Variants in FAM78B observed in about 807,000 individuals in gnomAD.
FAM78B encodes the protein protein FAM78B.
A neutral mutation model predicts 20.0 loss-of-function variants in FAM78B; 10 were observed. The observed-to-expected ratio is 0.50, with a 90% CI of 0.31 to 0.85. The LOEUF (loss-of-function observed/expected upper bound fraction) is 0.85. Among genes scored for constraint, FAM78B ranks in the 40% least tolerant of loss-of-function variants. The pLI, the probability that FAM78B is intolerant of heterozygous loss-of-function variation, is 0.05. For synonymous variants in FAM78B, 135 were observed against 132.8 expected, an observed-to-expected ratio of 1.02 and a Z score of -0.12; for missense variants, 283 against 345.0, an observed-to-expected ratio of 0.82 and a Z score of 1.42.
At chr1:166,127,364 G>A (rs547712619) in intron 1 of FAM78B, among the ~76,000 whole-genome samples, 2 of 152,318 alleles carry the variant, frequency 1.3e-5, no homozygotes, top group African/African-American at 4.8e-5. Context: ...TTGGAATTAA[G>A]TCTTTCTCCA....
chr1:166,115,419 CAG>C (rs1654217200), intron 1 of FAM78B, among the ~76,000 whole-genome samples: 1 of 152,122 alleles, frequency 6.6e-6, no homozygotes, highest in Admixed American at 6.5e-5. Context: ...CTGGGGTGAC[CAG>C]AGAGTGCTTT....
intron 1 of FAM78B, among the ~76,000 whole-genome samples, chr1:166,104,627 G>C (rs1004014148): frequency 3.3e-5 from 5 of 152,064 alleles, no homozygotes; most frequent in Non-Finnish European, 5.9e-5. Context: ...GAATCAAATA[G>C]CTAGGAATCC....
chr1:166,099,793 T>C (rs375419579), intron 1 of FAM78B, among the ~76,000 whole-genome samples: 2 of 152,200 alleles, frequency 1.3e-5, no homozygotes, highest in Admixed American at 1.3e-4. Flanking sequence ...CTAATTGACC[T>C]AAGAAATGAG....
chr1:166,080,290 T>C (rs1652511959), intron 1 of FAM78B, among the ~76,000 whole-genome samples: 1 of 152,148 alleles, frequency 6.6e-6, no homozygotes, highest in Non-Finnish European at 1.5e-5. Context: ...ACGACCCCTC[T>C]CCCTCCCCGT....
At chr1:166,120,328 A>G (rs1289695991) in intron 1 of FAM78B, among the ~76,000 whole-genome samples, 1 of 152,162 alleles carries the variant, frequency 6.6e-6, no homozygotes, top group African/African-American at 2.4e-5. Context: ...TCAAACTCAC[A>G]TGTGTGCCTG....
intron 1 of FAM78B, among the ~76,000 whole-genome samples, chr1:166,103,212 G>C (rs1278663151): frequency 6.6e-6 from 1 of 152,208 alleles, no homozygotes; most frequent in African/African-American, 2.4e-5. Context: ...GCAGTGTGTA[G>C]AGGGAAATTT....
intron 2 of FAM78B, chr1:166,060,813 G>A (rs1393611688): frequency 3.0e-6 from 1 of 328,668 alleles, no homozygotes; most frequent in South Asian, 2.7e-5. Context: ...AAAATTTTTG[G>A]TATTTATTTT....
intron 1 of FAM78B, among the ~76,000 whole-genome samples, chr1:166,086,289 C>T (rs1652825725): frequency 6.6e-6 from 1 of 152,178 alleles, no homozygotes; most frequent in Non-Finnish European, 1.5e-5. Flanking sequence ...ACCATCCCCA[C>T]AGCACAGGGT....
Position 166,141,137 on chromosome 1 carries a change from G to A in FAM78B, c.263+24849C>T, listed in dbSNP as rs543830433. ...AACCCTCACAAAGGGCTCACCTGCC[G>A]TAGTCCAGGAAATATATATGAAGTG... On this transcript the variant is annotated intron_variant, in intron 1 of 1. Transcript: ENST00000354422. 5.9e-5 allele frequency among the ~76,000 whole-genome samples: 9 copies of A among 152,332 alleles called. No homozygotes were observed. In the South Asian group the frequency reaches 1.2e-3, roughly 21 times the overall value.
intron 1 of FAM78B, among the ~76,000 whole-genome samples, chr1:166,140,720 T>C (rs924404905): frequency 3.9e-5 from 6 of 152,194 alleles, no homozygotes; most frequent in Admixed American, 3.9e-4. Flanking sequence ...AAGAAAACAC[T>C]TGAGGCAAAA....
At chr1:166,119,785 TG>T (rs1406170186) in intron 1 of FAM78B, among the ~76,000 whole-genome samples, 1 of 152,246 alleles carries the variant, frequency 6.6e-6, no homozygotes, top group Non-Finnish European at 1.5e-5. Flanking sequence ...GTGTCGTAAG[TG>T]GCCACACGAG....
intron 1 of FAM78B, among the ~76,000 whole-genome samples, chr1:166,103,775 C>T (rs1038191778): frequency 1.3e-5 from 2 of 152,182 alleles, no homozygotes; most frequent in East Asian, 1.9e-4. Context: ...ACCAGAGCTT[C>T]AAGGAGGAAC....
At chr1:166,142,365 G>T (rs1178339718) in intron 1 of FAM78B, among the ~76,000 whole-genome samples, 1 of 152,082 alleles carries the variant, frequency 6.6e-6, no homozygotes, top group Non-Finnish European at 1.5e-5. Flanking sequence ...CCCAGGCCTG[G>T]GAAGACTGCA....
rs58122456 is a variant in FAM78B, at chr1:166,113,982, CCCA to C, written c.264-43222_264-43220del. Reference sequence around the variant, plus strand: ...CAGCCCATCAGAACCCTTAGCACTGCCCACCACATTAGGGCCCACTAACCTGAA... The same window carrying C: ...CAGCCCATCAGAACCCTTAGCACTGCCCACATTAGGGCCCACTAACCTGAA... On this transcript the variant is annotated intron_variant, in intron 1 of 1. Transcript: ENST00000354422. 1.2e-3 allele frequency among the ~76,000 whole-genome samples: 180 copies of C among 152,286 alleles called. 4 individuals carry two copies. In the East Asian group the frequency reaches 0.031, roughly 26 times the overall value.
chr1:166,083,799 CTTTTT>C lies in FAM78B; in HGVS notation c.264-13041_264-13037del, dbSNP rs33994343. Among the ~76,000 whole-genome samples the C allele has an allele frequency of 2.5e-3, 229 of 92,312 alleles. 2 individuals are homozygous for C. Among genetic ancestry groups the C allele is most frequent in the East Asian group, 0.016 (52 of 3,204 alleles). The allele number at this position is 92,312 out of a possible 152,430, so 60.6% of individuals were successfully genotyped here. On this transcript the variant is annotated intron_variant, in intron 1 of 1. Transcript: ENST00000354422. ...TTACAGGCGTGAGCCACGCACCCAG[CTTTTT>C]TTTTTTTTTTTTTTTTTTTAATGAG...
At chr1:166,122,654 C>T (rs1463681727) in intron 1 of FAM78B, among the ~76,000 whole-genome samples, 5 of 152,166 alleles carry the variant, frequency 3.3e-5, no homozygotes, top group Admixed American at 6.5e-5. Flanking sequence ...TCTCTCTTAG[C>T]ATCTGTGTGT....
At chr1:166,151,721 C>T (rs1655681091) in intron 1 of FAM78B, among the ~76,000 whole-genome samples, 1 of 152,208 alleles carries the variant, frequency 6.6e-6, no homozygotes, top group Non-Finnish European at 1.5e-5. Flanking sequence ...CAGACCCACT[C>T]AACTGTTCAA....
At chr1:166,108,029 C>T (rs1653855413) in intron 1 of FAM78B, among the ~76,000 whole-genome samples, 1 of 152,106 alleles carries the variant, frequency 6.6e-6, no homozygotes, top group African/African-American at 2.4e-5. Flanking sequence ...AAACCCACAG[C>T]CAACATAATA....
In FAM78B at chr1:166,158,607, C is replaced by T. The variant is rs77765256; in HGVS notation, c.263+7379G>A. The stretch of plus-strand genomic sequence containing the variant: ...CCAAACAGCATCTCCAGACGTTCCT[C>T]GATCTGGACAACTCTCCTGGCACAG... On this transcript the variant is annotated intron_variant, in intron 1 of 1. Transcript: ENST00000354422. 2.3e-3 allele frequency among the ~76,000 whole-genome samples: 344 copies of T among 152,308 alleles called. 1 individual carries two copies. Among genetic ancestry groups the T allele is most frequent in the African/African-American group, 7.8e-3 (323 of 41,562 alleles).
Sources: allele counts gnomAD v4.1 joint callset (sites outside exome capture counted in the v4.1 genomes callset), GRCh38; gene constraint gnomAD v4.1.1; transcripts MANE v1.5; gene names NCBI Gene and HGNC (gene_info 2026-07-23, HGNC 2026-07-21).